Variants in AGRN observed in about 807,000 individuals in gnomAD.
AGRN encodes agrin proteoglycan.
In AGRN, 106 loss-of-function variants were observed where a neutral mutation model predicts 211.0. The observed-to-expected ratio is 0.50, with a 90% CI of 0.43 to 0.59. The LOEUF (loss-of-function observed/expected upper bound fraction) is 0.59. AGRN is among the 20% of genes least tolerant of loss of function. AGRN has a pLI of 0.00. For synonymous variants in AGRN, 1,525 were observed against 1,332.5 expected (o/e 1.14, Z -3.15); for missense variants, 3,040 against 2,982.6 (o/e 1.02, Z -0.45).
intron 33 of AGRN, 160 bp from the exon 34 acceptor site, chr1:1,053,593 C>T (rs1645370332): frequency 2.7e-6 from 4 of 1,500,596 alleles, no homozygotes; most frequent in Middle Eastern, 1.7e-4. Flanking sequence ...CTGTCTCCAT[C>T]CCTCTTCTCC....
rs1416361848 is a variant in AGRN at position 1,042,076 on chromosome 1, G to C, written c.1298G>C (p.Gly433Ala). ...TACAGGCCCGTGTGTGCCCAGGACG[G>C]GCGCACGTATGACAGTGATTGCTGG... Reference protein sequence around the residue: ...GAYRPVCAQDGRTYDSDCWRQ... With the variant: ...GAYRPVCAQDARTYDSDCWRQ... The change falls in exon 7 of 36, where the codon GGG (glycine) becomes GCG (alanine). Residue 433 changes from glycine to alanine, a missense_variant. Physicochemically the swap from Gly to Ala is moderately conservative, Grantham distance 60 (BLOSUM62 0). This residue lies in a region of AGRN where 1,498 missense variants were observed against 1,457.8 expected (regional missense o/e 1.03). Coordinates refer to ENST00000379370, the MANE Select transcript of AGRN (RefSeq NM_198576.4). The C allele has an allele frequency of 1.2e-6, 2 of 1,606,364 alleles. No homozygotes were observed. Among genetic ancestry groups the C allele is most frequent in the Non-Finnish European group, 1.7e-6 (2 of 1,179,394 alleles).
At position 1,049,510 on chromosome 1, in the gene AGRN, G is replaced by A. The variant is rs181789504; in HGVS notation, c.4515-56G>A. 818 of 1,595,950 alleles carry A rather than the reference G, an allele frequency of 5.1e-4. 5 individuals carry two copies. In the African/African-American group the frequency reaches 9.6e-3, roughly 19 times the overall value. Reference sequence around the variant, plus strand: ...CCGGCCCTTTGGGGTCCCGGTGTACGAGGTGGCTTTGCCTGTGGCCCCTGA... The same window carrying A: ...CCGGCCCTTTGGGGTCCCGGTGTACAAGGTGGCTTTGCCTGTGGCCCCTGA... On this transcript the variant is annotated intron_variant, in intron 25 of 35. Coordinates refer to ENST00000379370, the MANE Select transcript of AGRN (RefSeq NM_198576.4).
Position 1,047,355 on chromosome 1 carries a change from G to A in AGRN, c.3417G>A (p.Glu1139=), listed in dbSNP as rs577476031. 7 of 1,609,026 alleles carry A rather than the reference G, an allele frequency of 4.4e-6. No individual in the cohort carries two copies. The East Asian group carries it at 1.3e-4, about 31-fold the overall frequency. Residue 1139 remains glutamate (E), a synonymous_variant, in exon 20 of 36, where the codon GAG becomes GAA. Transcript: ENST00000379370. Reference sequence around the variant, plus strand: ...CCAAGGTGTTCCAGGGCGTCCTGGAGCTGGAGGGCGTCGAGGGCCAGGAGC... The same window carrying A: ...CCAAGGTGTTCCAGGGCGTCCTGGAACTGGAGGGCGTCGAGGGCCAGGAGC... ...PATKVFQGVL[E]LEGVEGQELF...
intron 2 of AGRN, among the ~76,000 whole-genome samples, chr1:1,030,010 C>CTG (rs201965246): frequency 1.3e-5 from 1 of 79,910 alleles, no homozygotes; most frequent in Non-Finnish European, 2.2e-5. Flanking sequence ...GTGCATGGTG[C>CTG]TGTGAGATCA....
At chr1:1,047,098 C>T in intron 19 of AGRN, 141 bp downstream of exon 19, 1 of 1,425,156 alleles carries the variant, frequency 7.0e-7, no homozygotes, top group Middle Eastern at 2.5e-4. Flanking sequence ...TGCCGGGGAC[C>T]CCACGCCTAA....
intron 27 of AGRN, 93 bp downstream of exon 27, chr1:1,050,130 G>A (rs1264548233): frequency 6.3e-7 from 1 of 1,585,406 alleles, no homozygotes; most frequent in Non-Finnish European, 8.6e-7. Flanking sequence ...TTAGGATGCG[G>A]CTCAGTCTAG....
chr1:1,045,384 C>T lies in AGRN; in HGVS notation c.2397C>T (p.Gly799=). The change falls in exon 14 of 36, where the codon GGC becomes GGT. Residue 799 remains glycine, a synonymous_variant. Coordinates refer to ENST00000379370, the MANE Select transcript of AGRN (RefSeq NM_198576.4). ...CPSACQCNPH[G]SYGGTCDPAT... ...GTGCCTGCCAGTGCAACCCCCATGG[C>T]TCTTACGGCGGCACCTGTGACCCAG... 1.2e-6 allele frequency: 2 copies of T among 1,611,976 alleles called. No individual in the cohort carries two copies. The highest frequency in any genetic ancestry group is 1.7e-6 in the Non-Finnish European group (2 of 1,179,920).
chr1:1,036,168 C>T (rs964293395), intron 3 of AGRN, among the ~76,000 whole-genome samples: 4 of 152,256 alleles, frequency 2.6e-5, no homozygotes, highest in East Asian at 1.9e-4. Context: ...GTGGGAAGGA[C>T]GACCTGGGGA....
At chr1:1,025,110 G>A (rs112289161) in intron 2 of AGRN, among the ~76,000 whole-genome samples, 6 of 152,246 alleles carry the variant, frequency 3.9e-5, no homozygotes, top group African/African-American at 1.4e-4. Context: ...CAGGCCGCCC[G>A]GGGCCCATCC....
intron 33 of AGRN, 163 bp from the exon 34 acceptor site, chr1:1,053,590 C>T (rs1570258280): frequency 4.6e-6 from 7 of 1,506,476 alleles, no homozygotes; most frequent in Non-Finnish European, 6.3e-6. Context: ...CCCCTGTCTC[C>T]ATCCCTCTTC....
At position 1,035,459 on chromosome 1, in the gene AGRN, T is replaced by C. The variant is rs1484380064; in HGVS notation, c.511+135T>C. 50 of 1,239,638 alleles carry C rather than the reference T, an allele frequency of 4.0e-5. 1 individual carries two copies. The Admixed American group carries it at 8.3e-4, about 21-fold the overall frequency. 76.8% of individuals were successfully genotyped at this position (1,239,638 alleles called of 1,614,324 possible). A position where few individuals can be genotyped will look rare whatever the true frequency, so the allele number is the denominator to read the frequency against. Reference sequence around the variant, plus strand: ...GAGGCTGGACAAGGGCACCTGCGTCTGTCCTGGGAGTCCGCAGCGGTGGGC... The same window carrying C: ...GAGGCTGGACAAGGGCACCTGCGTCCGTCCTGGGAGTCCGCAGCGGTGGGC... On this transcript the variant is annotated intron_variant, in intron 3 of 35. Transcript: ENST00000379370.
Position 1,048,418 on chromosome 1 carries a change from G to T in AGRN, c.4105+53G>T. Reference sequence around the variant, plus strand: ...GGGGAGGCAGCAGGGTGGGGGCAAGGATTGGGGGTGGGGCTAAGCCACCAT... The same window carrying T: ...GGGGAGGCAGCAGGGTGGGGGCAAGTATTGGGGGTGGGGCTAAGCCACCAT... On this transcript the variant is annotated intron_variant, in intron 23 of 35. Coordinates refer to ENST00000379370, the MANE Select transcript of AGRN (RefSeq NM_198576.4). This position sits in a 1 kb window ranked among gnomAD's most constrained non-coding sequence, Gnocchi z 5.9. The T allele has an allele frequency of 1.0e-6, 1 of 975,432 alleles. No homozygotes were observed. Among genetic ancestry groups the T allele is most frequent in the Non-Finnish European group, 1.5e-6 (1 of 675,160 alleles). 60.4% of individuals were successfully genotyped at this position (975,432 alleles called of 1,614,324 possible).
chr1:1,029,415 G>GTGTCTATGCAGGCAGGTGGGGGGT (rs1189349942), intron 2 of AGRN, among the ~76,000 whole-genome samples: 2 of 68,790 alleles, frequency 2.9e-5, no homozygotes, highest in Non-Finnish European at 6.8e-5. Context: ...AGGTGGGGGG[G>GTGTCTATGCAGGCAGGTGGGGGGT]ACATCAGTGT....
rs781432696 is a variant in AGRN at position 1,049,368 on chromosome 1, G to A, written c.4431G>A (p.Leu1477=). 17 of 1,598,734 alleles carry A rather than the reference G, an allele frequency of 1.1e-5. No individual in the cohort carries two copies. The highest frequency in any genetic ancestry group is 1.4e-5 in the Non-Finnish European group (16 of 1,179,746). The change falls in exon 25 of 36, where the codon CTG becomes CTA. Residue 1477 remains leucine, a synonymous_variant. Coordinates refer to ENST00000379370, the MANE Select transcript of AGRN (RefSeq NM_198576.4). ...CGGTGGATGGTGAGACCCCTGTTCT[G>A]GGCGAGAGTCCCAGTGGCACCGACG... is the stretch of plus-strand genomic sequence containing the variant. The part of the protein sequence containing the change: ...TLSVDGETPV[L]GESPSGTDGL...
At position 1,047,490 on chromosome 1, in the gene AGRN, C is replaced by T. The variant is rs373170646; in HGVS notation, c.3516+36C>T. On this transcript the variant is annotated intron_variant, in intron 20 of 35. Coordinates refer to ENST00000379370, the MANE Select transcript of AGRN (RefSeq NM_198576.4). ...GGCGCAGCCCCCACCTACCCACTGG[C>T]CTTCCTCCCCAGATACCCAGAGCAG... 34 of 1,612,814 alleles carry T rather than the reference C, an allele frequency of 2.1e-5. No homozygotes were observed. The African/African-American group carries it at 4.1e-4, about 20-fold the overall frequency.
Position 1,027,833 on chromosome 1 carries a change from C to T in AGRN, c.463+5371C>T, listed in dbSNP as rs539352949. On this transcript the variant is annotated intron_variant, in intron 2 of 35. Transcript: ENST00000379370. ...GCTGGCCTGAGCCTCCCTGCCCCGC[C>T]GTTTGGCAGCCACCTTGGCCACCCT... Among the ~76,000 whole-genome samples, 67 of 152,232 alleles carry T rather than the reference C, an allele frequency of 4.4e-4. 1 individual carries two copies. The highest frequency in any genetic ancestry group is 1.4e-3 in the Admixed American group (21 of 15,298).
chr1:1,036,547 C>T (rs1353275213), intron 3 of AGRN, among the ~76,000 whole-genome samples: 2 of 152,148 alleles, frequency 1.3e-5, no homozygotes, highest in Admixed American at 6.5e-5. Flanking sequence ...CTTGGCTACT[C>T]AACTCCTGGT....
intron 2 of AGRN, among the ~76,000 whole-genome samples, chr1:1,024,162 C>T (rs1557683453): frequency 6.6e-6 from 1 of 152,076 alleles, no homozygotes; most frequent in African/African-American, 2.4e-5. Flanking sequence ...GGAAGTAGAC[C>T]AGGGATATCT....
At position 1,050,540 on chromosome 1, in the gene AGRN, A is replaced by C. The variant is rs1157133853; in HGVS notation, c.5090A>C (p.Asp1697Ala). 2 of 1,612,486 alleles carry C rather than the reference A, an allele frequency of 1.2e-6. No homozygotes were observed. Among genetic ancestry groups the C allele is most frequent in the East Asian group, 4.5e-5 (2 of 44,854 alleles). ...GACTTCGTGTCGCTGGCACTGCGGG[A>C]CCGCCGCCTGGAGTTCCGCTACGAC... is the stretch of plus-strand genomic sequence containing the variant. ...KGDFVSLALR[D>A]RRLEFRYDLG... The change falls in exon 29 of 36, where the codon GAC becomes GCC. Residue 1697 changes from aspartate to alanine, a missense_variant. This residue lies in a region of AGRN where 1,537 missense variants were observed against 1,505.0 expected (regional missense o/e 1.02). Transcript: ENST00000379370.
Sources: gnomAD v4.1 joint callset for allele counts (sites outside exome capture counted in the v4.1 genomes callset) on GRCh38, gnomAD v4.1.1 for gene constraint, gnomAD v4.1.1 regional missense constraint, Gnocchi (gnomAD v3.1) non-coding constraint, MANE v1.5 for transcripts, NCBI Gene and HGNC (gene_info 2026-07-23, HGNC 2026-07-21) for gene names.